KCTD16: variants seen among roughly 807,000 people sequenced by gnomAD.
KCTD16 encodes the protein BTB/POZ domain-containing protein KCTD16.
KCTD16 carries 13 observed loss-of-function variants against 33.2 expected under a neutral mutation model. The ratio of observed to expected loss-of-function variants is 0.39; its 90% confidence interval spans 0.25 to 0.62. KCTD16 has a LOEUF of 0.62. Among genes scored for constraint, KCTD16 ranks in the 20% least tolerant of loss-of-function variants. The probability of loss-of-function intolerance (pLI) is 0.50; values close to 1 mark genes in which losing one functional copy is unlikely to be tolerated. For missense variants in KCTD16, 441 were observed against 525.1 expected (o/e 0.84, Z 1.57); for synonymous variants, 197 against 195.3 (o/e 1.01, Z -0.07).
chr5:144,212,822 T>G (rs1304077937), intron 3 of KCTD16, among the ~76,000 whole-genome samples: 1 of 152,200 alleles, frequency 6.6e-6, no homozygotes, highest in Non-Finnish European at 1.5e-5. Context: ...TGTATCCAAA[T>G]GTAGAGATAA....
chr5:144,244,954 G>C (rs1754508562), intron 3 of KCTD16, among the ~76,000 whole-genome samples: 1 of 152,170 alleles, frequency 6.6e-6, no homozygotes, highest in African/African-American at 2.4e-5. Flanking sequence ...ATTTTGGCTT[G>C]TCATCAGATG....
At chr5:144,388,754 A>C (rs931406317) in intron 3 of KCTD16, among the ~76,000 whole-genome samples, 8 of 152,272 alleles carry the variant, frequency 5.3e-5, no homozygotes, top group Middle Eastern at 3.4e-3. Context: ...CATGGAGAAA[A>C]ATATATATTC....
chr5:144,207,173 T>C lies in KCTD16; in HGVS notation c.459T>C (p.Pro153=). Residue 153 remains proline (P), a synonymous_variant, in exon 3 of 4, where the codon CCT becomes CCC. Coordinates refer to ENST00000512467, the MANE Select transcript of KCTD16 (RefSeq NM_020768.4). ...GAAGCGACACAAGAATCTGCCCCCC[T>C]TCCTCCCTGCTCCCTGCCGACCGCA... ...SQGSDTRICP[P]SSLLPADRKW... The C allele has an allele frequency of 7.4e-6, 12 of 1,612,908 alleles. No homozygotes were observed. The highest frequency in any genetic ancestry group is 1.0e-5 in the Non-Finnish European group (12 of 1,179,506).
intron 3 of KCTD16, among the ~76,000 whole-genome samples, chr5:144,471,474 T>C (rs1214905581): frequency 3.9e-5 from 6 of 152,198 alleles, no homozygotes; most frequent in Non-Finnish European, 5.9e-5. Context: ...ATTTCTACAC[T>C]TTTCCAAAAA....
At chr5:144,461,517 A>G (rs1166151374) in intron 3 of KCTD16, among the ~76,000 whole-genome samples, 1 of 152,156 alleles carries the variant, frequency 6.6e-6, no homozygotes, top group Non-Finnish European at 1.5e-5. Flanking sequence ...TTCCATTTTC[A>G]GTACCAGTAC....
chr5:144,473,442 CCT>C (rs1055568135), intron 3 of KCTD16, among the ~76,000 whole-genome samples: 3 of 152,112 alleles, frequency 2.0e-5, no homozygotes, highest in Non-Finnish European at 4.4e-5. Context: ...TACTATATTT[CCT>C]CTTATATAGC....
chr5:144,263,539 T>C (rs1225430708), intron 3 of KCTD16, among the ~76,000 whole-genome samples: 1 of 152,194 alleles, frequency 6.6e-6, no homozygotes, highest in East Asian at 1.9e-4. Flanking sequence ...CTTCTTTTCA[T>C]GGCTAATTAT....
chr5:144,473,742 G>A lies in KCTD16; in HGVS notation c.915G>A (p.Thr305=), dbSNP rs142965087. ...GTGACAAAGAAGGGGAGAGCGGCAC[G>A]TCTTGCAATGACCTCTCCACATCTA... ...GKGDKEGESG[T]SCNDLSTSSC... is the part of the protein sequence containing the mutation. Residue 305 remains threonine, a synonymous_variant, in exon 4 of 4, where the codon ACG becomes ACA. Coordinates refer to ENST00000512467, the MANE Select transcript of KCTD16 (RefSeq NM_020768.4). 2.2e-4 allele frequency: 350 copies of A among 1,613,942 alleles called. No individual in the cohort carries two copies. The African/African-American group carries it at 3.5e-3, about 16-fold the overall frequency.
In KCTD16 at chr5:144,219,080, C is replaced by G. The variant is rs973773695; in HGVS notation, c.832+11534C>G. ...TTCTTCCTAACACATCAGATCACCT[C>G]CCTCCACATAAAAGGGGGATGAGGA... On this transcript the variant is annotated intron_variant, in intron 3 of 3. Transcript: ENST00000512467. 2.0e-5 allele frequency among the ~76,000 whole-genome samples: 3 copies of G among 152,294 alleles called. No homozygotes were observed. The South Asian group carries it at 6.2e-4, about 32-fold the overall frequency.
At chr5:144,326,370 C>T (rs139936041) in intron 3 of KCTD16, among the ~76,000 whole-genome samples, 5 of 152,004 alleles carry the variant, frequency 3.3e-5, no homozygotes, top group South Asian at 2.1e-4. Context: ...ATTATCTCAT[C>T]GAGGAACAAA....
intron 2 of KCTD16, among the ~76,000 whole-genome samples, chr5:144,204,737 A>T (rs1053869576): frequency 3.9e-5 from 6 of 152,116 alleles, no homozygotes; most frequent in Admixed American, 6.5e-5. Context: ...AGCATCATTA[A>T]TTTCAGAGAG....
chr5:144,363,554 A>G (rs1459856362), intron 3 of KCTD16, among the ~76,000 whole-genome samples: 2 of 151,654 alleles, frequency 1.3e-5, no homozygotes, highest in African/African-American at 4.9e-5. Flanking sequence ...TTTGTGACAG[A>G]TTCTCCCCTA....
intron 3 of KCTD16, among the ~76,000 whole-genome samples, chr5:144,328,385 A>T (rs189855411): frequency 4.6e-5 from 7 of 152,252 alleles, no homozygotes; most frequent in African/African-American, 1.7e-4. Context: ...GGAAGAAGAG[A>T]TCTTACCAGA....
chr5:144,284,834 C>G (rs529223733), intron 3 of KCTD16, among the ~76,000 whole-genome samples: 1 of 152,286 alleles, frequency 6.6e-6, no homozygotes, highest in Non-Finnish European at 1.5e-5. Context: ...TTGGGCATTT[C>G]TAAAGTTATG....
At chr5:144,225,555 TGTG>T (rs1176107116) in intron 3 of KCTD16, among the ~76,000 whole-genome samples, 3 of 45,316 alleles carry the variant, frequency 6.6e-5, no homozygotes, top group African/African-American at 9.5e-5. Flanking sequence ...AAATAAATTG[TGTG>T]TGTGTGTGTG....
chr5:144,326,037 G>A (rs139685826), intron 3 of KCTD16, among the ~76,000 whole-genome samples: 255 of 152,220 alleles, frequency 1.7e-3, no homozygotes, highest in Non-Finnish European at 2.8e-3. Flanking sequence ...TCAGTAAAAG[G>A]TATTTTTAAT....
intron 3 of KCTD16, among the ~76,000 whole-genome samples, chr5:144,373,974 T>A (rs1274756126): frequency 6.6e-6 from 1 of 151,908 alleles, no homozygotes; most frequent in African/African-American, 2.4e-5. Flanking sequence ...CACTGCAGTT[T>A]CTGTTTCAGT....
intron 2 of KCTD16, among the ~76,000 whole-genome samples, chr5:144,175,447 A>G (rs1752485162): frequency 6.6e-6 from 1 of 152,248 alleles, no homozygotes; most frequent in Non-Finnish European, 1.5e-5. Context: ...TATAAATTAA[A>G]ATTGCAACTA....
intron 3 of KCTD16, among the ~76,000 whole-genome samples, chr5:144,425,418 C>A (rs1580954832): frequency 2.0e-5 from 3 of 151,838 alleles, no homozygotes; most frequent in South Asian, 4.2e-4. Flanking sequence ...TGGAGCTGCA[C>A]ACTGGTGGAC....
Sources: allele counts gnomAD v4.1 joint callset (sites outside exome capture counted in the v4.1 genomes callset), GRCh38; gene constraint gnomAD v4.1.1; transcripts MANE v1.5; gene names NCBI Gene and HGNC (gene_info 2026-07-23, HGNC 2026-07-21).